The following AGAP1 variants were observed in gnomAD, a reference collection of about 807,000 sequenced individuals.
AGAP1 encodes the protein arf-GAP with GTPase, ANK repeat and PH domain-containing protein 1.
AGAP1 carries 29 observed loss-of-function variants against 105.3 expected under a neutral mutation model. The observed-to-expected ratio is 0.28, with a 90% confidence interval of 0.21 to 0.38. The LOEUF (loss-of-function observed/expected upper bound fraction) is 0.38, where lower values mean the gene tolerates loss of function less well. Ranked by LOEUF, AGAP1 falls within the 10% of genes least tolerant of loss-of-function variation. The pLI is 1.00. For synonymous variants in AGAP1, 509 were observed against 485.9 expected (o/e 1.05, Z -0.63); for missense variants, 998 against 1,165.1 (o/e 0.86, Z 2.09).
chr2:235,861,191 C>T (rs2048914923), intron 9 of AGAP1, among the ~76,000 whole-genome samples: 1 of 152,188 alleles, frequency 6.6e-6, no homozygotes, highest in South Asian at 2.1e-4. Flanking sequence ...TAACAATCAA[C>T]TTCTATAGGG....
chr2:235,811,224 G>A (rs1172483838), intron 9 of AGAP1, among the ~76,000 whole-genome samples: 2 of 152,106 alleles, frequency 1.3e-5, no homozygotes, highest in East Asian at 1.9e-4. Context: ...GGCCTCCTCC[G>A]TGCCCTTCGC....
At position 235,689,405 on chromosome 2, in the gene AGAP1, G is replaced by C. The variant is rs140663304; in HGVS notation, c.164-19774G>C. Among the ~76,000 whole-genome samples, 340 of 152,380 alleles carry C rather than the reference G, an allele frequency of 2.2e-3. 3 individuals carry two copies. Among genetic ancestry groups the C allele is most frequent in the African/African-American group, 7.9e-3 (328 of 41,592 alleles). On this transcript the variant is annotated intron_variant, in intron 1 of 17. Coordinates refer to ENST00000304032, the MANE Select transcript of AGAP1 (RefSeq NM_001037131.3). This position sits in a 1 kb window ranked among gnomAD's most constrained non-coding sequence, Gnocchi z 4.2. The stretch of plus-strand genomic sequence containing the variant: ...ACAATACCGGGTTAGTGAGCAGAAA[G>C]TAGTGCACTGATTATGTTTCCATTA...
chr2:235,914,071 A>G (rs1235078914), intron 11 of AGAP1, among the ~76,000 whole-genome samples: 1 of 151,818 alleles, frequency 6.6e-6, no homozygotes, highest in Non-Finnish European at 1.5e-5. Flanking sequence ...GGCGGGGTCT[A>G]TTATGTCATC....
At chr2:235,759,460 C>T (rs551389070) in intron 6 of AGAP1, among the ~76,000 whole-genome samples, 216 of 152,136 alleles carry the variant, frequency 1.4e-3, no homozygotes, top group South Asian at 0.012. Flanking sequence ...TGAGCCACCG[C>T]GCCCGGCCCT....
rs932746872 is a variant in AGAP1, at chr2:235,793,466, G to C, written c.674-4293G>C. 6.6e-6 allele frequency among the ~76,000 whole-genome samples: 1 copy of C among 152,222 alleles called. No homozygotes were observed. The highest frequency in any genetic ancestry group is 1.5e-5 in the Non-Finnish European group (1 of 68,050). ...TCGTGCTGTGGAACCAGGACAGTCT[G>C]TTGGGGTGCTGGCAGGGTGTTCGAT... is the stretch of plus-strand genomic sequence containing the variant. On this transcript the variant is annotated intron_variant, in intron 6 of 17. Transcript: ENST00000304032. This position sits in a 1 kb window ranked among gnomAD's most constrained non-coding sequence, Gnocchi z 5.3.
chr2:235,986,686 T>G (rs2055328667), intron 13 of AGAP1, among the ~76,000 whole-genome samples: 1 of 152,204 alleles, frequency 6.6e-6, no homozygotes, highest in Non-Finnish European at 1.5e-5. Flanking sequence ...TATGAAGAGA[T>G]GTTGAATTTT....
chr2:235,605,309 A>T (rs1945891210), intron 1 of AGAP1, among the ~76,000 whole-genome samples: 1 of 152,188 alleles, frequency 6.6e-6, no homozygotes, highest in African/African-American at 2.4e-5. Flanking sequence ...CTTCATTTAT[A>T]TTGTTGTTCT....
intron 13 of AGAP1, among the ~76,000 whole-genome samples, chr2:236,004,199 C>A (rs1241585705): frequency 6.6e-6 from 1 of 152,126 alleles, no homozygotes; most frequent in Non-Finnish European, 1.5e-5. Context: ...GTCTTGAGAC[C>A]ATTCCTGAGT....
chr2:235,641,777 A>G (rs1947206219), intron 1 of AGAP1, among the ~76,000 whole-genome samples: 1 of 152,242 alleles, frequency 6.6e-6, no homozygotes, highest in East Asian at 1.9e-4. Flanking sequence ...CCATAATCTA[A>G]TTTCAACACA....
At chr2:236,079,370 TAAAAAA>T (rs3030747) in intron 16 of AGAP1, among the ~76,000 whole-genome samples, 7 of 127,538 alleles carry the variant, frequency 5.5e-5, no homozygotes, top group Non-Finnish European at 1.7e-5. Context: ...AAAGAAAATT[TAAAAAA>T]AAAAAAAAAA....
In AGAP1 at chr2:235,724,595, G is replaced by A. The variant is rs1285002684; in HGVS notation, c.310+6951G>A. Among the ~76,000 whole-genome samples, 1 of 152,074 alleles carries A rather than the reference G, an allele frequency of 6.6e-6. No homozygotes were observed. Among genetic ancestry groups the A allele is most frequent in the Non-Finnish European group, 1.5e-5 (1 of 68,006 alleles). ...GGTACCTGCGGTGGTGGGGGGAGGG[G>A]GAGTTCCCTATGTAAAGAAGAGTCC... On this transcript the variant is annotated intron_variant, in intron 3 of 17. Coordinates refer to ENST00000304032, the MANE Select transcript of AGAP1 (RefSeq NM_001037131.3). The surrounding 1 kb of genome is among the most constrained non-coding windows in gnomAD (Gnocchi z 4.9).
chr2:235,671,659 C>T (rs1029383626), intron 1 of AGAP1, among the ~76,000 whole-genome samples: 14 of 152,204 alleles, frequency 9.2e-5, no homozygotes, highest in African/African-American at 3.4e-4. Flanking sequence ...GCTTTCCTGC[C>T]AGGTGGCATC....
At chr2:235,613,478 TTA>T (rs1423022905) in intron 1 of AGAP1, among the ~76,000 whole-genome samples, 2 of 152,204 alleles carry the variant, frequency 1.3e-5, no homozygotes, top group South Asian at 2.1e-4. Context: ...ATGAGAAGAC[TTA>T]TATCTTTTTG....
intron 1 of AGAP1, among the ~76,000 whole-genome samples, chr2:235,542,102 G>T (rs535785740): frequency 2.0e-5 from 3 of 152,302 alleles, no homozygotes; most frequent in Admixed American, 1.3e-4. Flanking sequence ...TGCAAACAGG[G>T]TTATTGCTCT....
At chr2:235,564,358 C>T (rs561546559) in intron 1 of AGAP1, among the ~76,000 whole-genome samples, 13 of 152,248 alleles carry the variant, frequency 8.5e-5, no homozygotes, top group South Asian at 4.1e-4. Context: ...TTCCTTCTGC[C>T]GTACAGTAGG....
At position 236,027,045 on chromosome 2, in the gene AGAP1, T is replaced by A. The variant is rs765139711; in HGVS notation, c.1646-9516T>A. ...GACAGAATTTGGAGCCCAGTGGTAT[T>A]ATTTTCTATGTTTATTACTCCATGC... is the stretch of plus-strand genomic sequence containing the variant. On this transcript the variant is annotated intron_variant, in intron 13 of 17. Coordinates refer to ENST00000304032, the MANE Select transcript of AGAP1 (RefSeq NM_001037131.3). The surrounding 1 kb of genome is among the most constrained non-coding windows in gnomAD (Gnocchi z 4.4). Among the ~76,000 whole-genome samples the A allele has an allele frequency of 6.6e-6, 1 of 152,238 alleles. No homozygotes were observed. Among genetic ancestry groups the A allele is most frequent in the Non-Finnish European group, 1.5e-5 (1 of 68,038 alleles).
At chr2:235,943,612 A>AGTGCTG (rs954385822) in intron 12 of AGAP1, among the ~76,000 whole-genome samples, 4 of 152,150 alleles carry the variant, frequency 2.6e-5, no homozygotes, top group Admixed American at 2.0e-4. Context: ...GGCCTCCCAA[A>AGTGCTG]GTGCTGGGAT....
At chr2:236,074,242 C>G (rs1038712004) in intron 16 of AGAP1, among the ~76,000 whole-genome samples, 4 of 152,034 alleles carry the variant, frequency 2.6e-5, no homozygotes, top group Non-Finnish European at 5.9e-5. Context: ...CATCAGTACC[C>G]TCTGCAAGGG....
chr2:236,103,180 C>T lies in AGAP1; in HGVS notation c.2115-17012C>T, dbSNP rs141912849. On this transcript the variant is annotated intron_variant, in intron 16 of 17. Transcript: ENST00000304032. Reference sequence around the variant, plus strand: ...GGGTCTCCCTCACCAAAACCAGCACCTCTGTCCCGTTCCATCCTCCGGCCT... The same window carrying T: ...GGGTCTCCCTCACCAAAACCAGCACTTCTGTCCCGTTCCATCCTCCGGCCT... 8.3e-3 allele frequency among the ~76,000 whole-genome samples: 1,258 copies of T among 152,276 alleles called. 21 individuals are homozygous for T. Among genetic ancestry groups the T allele is most frequent in the African/African-American group, 0.027 (1,127 of 41,554 alleles).
Sources: allele counts gnomAD v4.1 joint callset (sites outside exome capture counted in the v4.1 genomes callset), GRCh38; gene constraint gnomAD v4.1.1; non-coding constraint Gnocchi (gnomAD v3.1); transcripts MANE v1.5; gene names NCBI Gene and HGNC (gene_info 2026-07-23, HGNC 2026-07-21).